CWH43: variants seen among roughly 807,000 people sequenced by gnomAD.
The protein encoded by CWH43 is PGAP2-interacting protein.
In CWH43, 91 loss-of-function variants were observed where a neutral mutation model predicts 85.7. The ratio of observed to expected loss-of-function variants is 1.06; its 90% CI spans 0.90 to 1.26. The LOEUF is 1.26. Among genes scored for constraint, CWH43 ranks in the 50% most tolerant of loss-of-function variants. CWH43 has a pLI of 0.00. For missense variants in CWH43, 869 were observed against 839.2 expected, an observed-to-expected ratio of 1.04 and a Z score of -0.44; for synonymous variants, 323 against 293.6, an observed-to-expected ratio of 1.10 and a Z score of -1.02.
intron 9 of CWH43, among the ~76,000 whole-genome samples, chr4:49,020,472 G>A (rs1783718449): frequency 6.7e-6 from 1 of 149,934 alleles, no homozygotes; most frequent in South Asian, 2.1e-4. Flanking sequence ...TGGGCATTTG[G>A]GCTGGTACTA....
At chr4:49,042,100 A>G (rs193085124) in intron 13 of CWH43, among the ~76,000 whole-genome samples, 189 of 152,338 alleles carry the variant, frequency 1.2e-3, no homozygotes, top group Admixed American at 3.9e-3. Flanking sequence ...TCTGGACTTC[A>G]GACAGGGCTC....
At chr4:49,061,615 G>A (rs1785161101) in intron 15 of CWH43, among the ~76,000 whole-genome samples, 197 bp from the exon 16 acceptor site, 2 of 152,114 alleles carry the variant, frequency 1.3e-5, no homozygotes, top group Non-Finnish European at 2.9e-5. Flanking sequence ...TTAAACAGAT[G>A]TGCTTTTGGA....
intron 13 of CWH43, among the ~76,000 whole-genome samples, chr4:49,042,559 G>A (rs941177551): frequency 4.6e-5 from 7 of 152,218 alleles, no homozygotes; most frequent in Admixed American, 2.0e-4. Context: ...GAGAACTAGA[G>A]TTATAGATTA....
chr4:49,026,423 T>C (rs980094862), intron 9 of CWH43, among the ~76,000 whole-genome samples: 1 of 152,240 alleles, frequency 6.6e-6, no homozygotes, highest in African/African-American at 2.4e-5. Flanking sequence ...CAAAAGTTCA[T>C]GGTGTGGGTC....
chr4:48,996,019 C>A (rs985136718), intron 5 of CWH43, among the ~76,000 whole-genome samples: 15 of 151,422 alleles, frequency 9.9e-5, no homozygotes, highest in African/African-American at 3.4e-4. Context: ...AGGATCTGGC[C>A]CCCCTACTTA....
intron 9 of CWH43, among the ~76,000 whole-genome samples, chr4:49,023,338 A>G (rs1282541172): frequency 1.3e-5 from 2 of 152,068 alleles, no homozygotes; most frequent in Non-Finnish European, 2.9e-5. Flanking sequence ...ATATATTTGC[A>G]TGGTTTTGAA....
intron 4 of CWH43, among the ~76,000 whole-genome samples, chr4:48,994,396 C>A (rs1782747354): frequency 6.6e-6 from 1 of 152,216 alleles, no homozygotes; most frequent in Non-Finnish European, 1.5e-5. Flanking sequence ...AATGCCTTTT[C>A]TCCCTTAAAC....
chr4:49,049,745 C>T (rs575088662), intron 14 of CWH43, among the ~76,000 whole-genome samples: 2 of 152,182 alleles, frequency 1.3e-5, no homozygotes, highest in East Asian at 1.9e-4. Context: ...TGGCTTGATC[C>T]CTCCCTTCGT....
chr4:48,993,318 T>C (rs1467583463), intron 4 of CWH43, among the ~76,000 whole-genome samples: 4 of 152,176 alleles, frequency 2.6e-5, no homozygotes, highest in African/African-American at 9.7e-5. Flanking sequence ...TGGCTCTTTT[T>C]CCTCAAAACT....
intron 12 of CWH43, among the ~76,000 whole-genome samples, chr4:49,036,003 G>C (rs1461353230): frequency 6.6e-6 from 1 of 152,156 alleles, no homozygotes; most frequent in Admixed American, 6.6e-5. Context: ...GAGAGGCTGA[G>C]GCACTCAGAC....
chr4:49,004,272 G>A (rs191963332), intron 7 of CWH43, among the ~76,000 whole-genome samples: 50 of 152,274 alleles, frequency 3.3e-4, no homozygotes, highest in East Asian at 9.6e-4. Flanking sequence ...ATACTAAAGC[G>A]TAAACAATGT....
chr4:49,058,115 A>G (rs529591299), intron 15 of CWH43, among the ~76,000 whole-genome samples: 2 of 152,264 alleles, frequency 1.3e-5, no homozygotes, highest in African/African-American at 4.8e-5. Flanking sequence ...ATAGTTAAGG[A>G]CTTAGTATTG....
intron 7 of CWH43, among the ~76,000 whole-genome samples, chr4:49,004,739 G>C (rs551168933): frequency 7.3e-4 from 111 of 152,174 alleles, no homozygotes; most frequent in Admixed American, 1.1e-3. Context: ...ATATATCTTA[G>C]TGTAAATGGT....
intron 13 of CWH43, among the ~76,000 whole-genome samples, chr4:49,042,168 C>T (rs558690498): frequency 1.3e-5 from 2 of 152,246 alleles, no homozygotes; most frequent in East Asian, 3.9e-4. Context: ...CAACTAGGGA[C>T]TGGAGGACCT....
chr4:48,991,456 A>C lies in CWH43; in HGVS notation c.238A>C (p.Ser80Arg). The C allele has an allele frequency of 6.2e-7, 1 of 1,614,044 alleles. No homozygotes were observed. The highest frequency in any genetic ancestry group is 8.5e-7 in the Non-Finnish European group (1 of 1,179,940). ...LTLLRIITIG[S>R]IASFQAPNAK... ...AGCTCTCCCTATTTTGTTTGTAGGC[A>C]GCATAGCCTCCTTCCAGGCTCCAAA... Residue 80 changes from serine to arginine, a missense_variant and splice_region_variant, in exon 3 of 16, where the codon AGC becomes CGC. Ser to Arg is a moderately radical substitution (Grantham distance 110). Around this residue, in one of 3 missense-constraint regions of CWH43, gnomAD observed 140 missense variants for 122.6 expected, o/e 1.14. Transcript: ENST00000226432.
intron 15 of CWH43, among the ~76,000 whole-genome samples, chr4:49,054,183 A>G (rs1343844375): frequency 6.6e-6 from 1 of 152,142 alleles, no homozygotes; most frequent in Non-Finnish European, 1.5e-5. Flanking sequence ...TGATTTTTGT[A>G]TATGGTATGA....
chr4:48,987,640 C>G (rs1382357203), intron 1 of CWH43, among the ~76,000 whole-genome samples: 2 of 152,266 alleles, frequency 1.3e-5, no homozygotes, highest in Admixed American at 1.3e-4. Flanking sequence ...AGGAATGAGA[C>G]AGATGGTACA....
At chr4:49,024,021 GT>G (rs1306395946) in intron 9 of CWH43, among the ~76,000 whole-genome samples, 3 of 152,050 alleles carry the variant, frequency 2.0e-5, no homozygotes, top group African/African-American at 7.2e-5. Context: ...AAATTTGGGG[GT>G]TCCAGTGTTA....
At chr4:49,043,236 A>T (rs1435543984) in intron 13 of CWH43, among the ~76,000 whole-genome samples, 1 of 152,204 alleles carries the variant, frequency 6.6e-6, no homozygotes, top group Non-Finnish European at 1.5e-5. Context: ...CTTACATGAC[A>T]TATATTATGT....
Sources: allele counts gnomAD v4.1 joint callset (sites outside exome capture counted in the v4.1 genomes callset), GRCh38; gene constraint gnomAD v4.1.1; regional missense constraint gnomAD v4.1.1; transcripts MANE v1.5; gene names NCBI Gene and HGNC (gene_info 2026-07-23, HGNC 2026-07-21).